Variants in WDR35 observed in about 807,000 individuals in gnomAD.
The protein encoded by WDR35 is WD repeat-containing protein 35.
A neutral mutation model predicts 158.3 loss-of-function variants in WDR35; 118 were observed. That is an observed-to-expected ratio of 0.75 (90% CI 0.64 to 0.87). The LOEUF (loss-of-function observed/expected upper bound fraction) is 0.87. Ranked by LOEUF, WDR35 falls within the 40% of genes least tolerant of loss-of-function variation. The pLI is 0.00. For synonymous variants in WDR35, 448 were observed against 476.1 expected, an observed-to-expected ratio of 0.94 and a Z score of 0.77; for missense variants, 1,263 against 1,405.8, an observed-to-expected ratio of 0.90 and a Z score of 1.62.
chr2:19,965,849 TCCCACCAGGTA>T (rs1035274612), intron 10 of WDR35, among the ~76,000 whole-genome samples: 6 of 152,196 alleles, frequency 3.9e-5, no homozygotes, highest in African/African-American at 1.2e-4. Flanking sequence ...TGTTTCTTTC[TCCCACCAGGTA>T]CCCCCAAGTC....
intron 2 of WDR35, 29 bp from the exon 3 acceptor site, chr2:19,982,563 A>G (rs371992626): frequency 6.2e-7 from 1 of 1,606,258 alleles, no homozygotes; most frequent in Admixed American, 1.7e-5. Flanking sequence ...AACTACTATG[A>G]TAAATATGTA....
intron 9 of WDR35, among the ~76,000 whole-genome samples, chr2:19,967,282 T>C (rs1245353732): frequency 6.6e-6 from 1 of 152,194 alleles, no homozygotes; most frequent in Non-Finnish European, 1.5e-5. Context: ...AATTCAAAAA[T>C]AGTCACTTTG....
intron 25 of WDR35, among the ~76,000 whole-genome samples, chr2:19,919,554 G>A (rs560325144): frequency 6.6e-5 from 10 of 152,152 alleles, no homozygotes; most frequent in Admixed American, 1.3e-4. Flanking sequence ...AAGACACAGT[G>A]CAGCAGAATT....
chr2:19,936,194 G>A, intron 20 of WDR35, 25 bp downstream of exon 20: 1 of 1,613,610 alleles, frequency 6.2e-7, no homozygotes, highest in Non-Finnish European at 8.5e-7. Flanking sequence ...ATGAATGCTT[G>A]AGGAGCTCCA....
At chr2:19,971,868 A>G (rs1672046162) in intron 8 of WDR35, among the ~76,000 whole-genome samples, 1 of 152,232 alleles carries the variant, frequency 6.6e-6, no homozygotes, top group African/African-American at 2.4e-5. Context: ...GGCACTGTGT[A>G]GGCATTTCCT....
At position 19,933,466 on chromosome 2, in the gene WDR35, C is replaced by T. The variant is rs1032877870; in HGVS notation, c.2593G>A (p.Val865Met). The T allele has an allele frequency of 1.7e-5, 27 of 1,613,812 alleles. No individual in the cohort carries two copies. Among genetic ancestry groups the T allele is most frequent in the Non-Finnish European group, 2.3e-5 (27 of 1,179,958 alleles). ...FVRVGMCEQA[V>M]TAFLKCSQPK... Reference sequence around the variant, plus strand: ...TGACTACATTTCAAAAATGCAGTCACTGCTTGTTCACACATTCCAACTCTG... The same window carrying T: ...TGACTACATTTCAAAAATGCAGTCATTGCTTGTTCACACATTCCAACTCTG... The change falls in exon 22 of 27, where the codon GTG becomes ATG. Residue 865 changes from valine to methionine, a missense_variant. By Grantham distance (21) the Val-to-Met change is conservative. Coordinates refer to ENST00000281405, the MANE Select transcript of WDR35 (RefSeq NM_020779.4).
chr2:19,949,000 CA>C (rs760817729), intron 13 of WDR35, among the ~76,000 whole-genome samples: 1 of 151,998 alleles, frequency 6.6e-6, no homozygotes, highest in Non-Finnish European at 1.5e-5. Context: ...CACCTATTAG[CA>C]CATGTAAAAA....
At position 19,989,228 on chromosome 2, in the gene WDR35, C is replaced by G; in HGVS notation, c.79G>C (p.Gly27Arg). ...TCTTCACCACCGCATGCTATGAACCCTTGTTCCTTGTTCCAGGATACACAC... is the reference window on the plus strand; with the variant it reads ...TCTTCACCACCGCATGCTATGAACCGTTGTTCCTTGTTCCAGGATACACAC... ...LQCVSWNKEQ[G>R]FIACGGEDGL... Residue 27 changes from glycine (G) to arginine (R), a missense_variant, in exon 2 of 27, where the codon GGG becomes CGG. Transcript: ENST00000281405. The G allele has an allele frequency of 6.2e-7, 1 of 1,614,230 alleles. No homozygotes were observed. Among genetic ancestry groups the G allele is most frequent in the Non-Finnish European group, 8.5e-7 (1 of 1,180,040 alleles).
intron 25 of WDR35, among the ~76,000 whole-genome samples, chr2:19,919,741 G>C (rs1670109481): frequency 6.6e-6 from 1 of 152,102 alleles, no homozygotes; most frequent in African/African-American, 2.4e-5. Context: ...GATCACAGCA[G>C]AACTGAAGGA....
At chr2:19,978,195 GACAC>G (rs3039208) in intron 5 of WDR35, among the ~76,000 whole-genome samples, 221 of 146,754 alleles carry the variant, frequency 1.5e-3, no homozygotes, top group African/African-American at 2.7e-3. Context: ...CACACACACA[GACAC>G]ACACACACAC....
intron 25 of WDR35, among the ~76,000 whole-genome samples, chr2:19,915,662 G>GA (rs1460667003): frequency 2.6e-5 from 4 of 151,016 alleles, no homozygotes; most frequent in Non-Finnish European, 1.5e-5. Context: ...TAACCAATTA[G>GA]AAAAAAAATT....
Position 19,989,974 on chromosome 2 carries a change from GC to G in WDR35, c.24+17del, listed in dbSNP as rs762015573. ...GCGGGAATGGCGGAGAAACGAGGACGCCCCCCAGGAAACTCACTTTCTTGCT... is the reference window on the plus strand; with the variant it reads ...GCGGGAATGGCGGAGAAACGAGGACGCCCCCAGGAAACTCACTTTCTTGCT... On this transcript the variant is annotated intron_variant, in intron 1 of 26. Coordinates refer to ENST00000281405, the MANE Select transcript of WDR35 (RefSeq NM_020779.4). 2 of 1,613,578 alleles carry G rather than the reference GC, an allele frequency of 1.2e-6. No individual in the cohort carries two copies. Among genetic ancestry groups the G allele is most frequent in the Non-Finnish European group, 1.7e-6 (2 of 1,179,754 alleles).
At chr2:19,984,936 T>G (rs902358917) in intron 2 of WDR35, among the ~76,000 whole-genome samples, 1 of 152,222 alleles carries the variant, frequency 6.6e-6, no homozygotes, top group African/African-American at 2.4e-5. Context: ...ATTCGCCAGA[T>G]TCTCTGGCAG....
chr2:19,986,218 T>C (rs1672561833), intron 2 of WDR35, among the ~76,000 whole-genome samples: 2 of 152,170 alleles, frequency 1.3e-5, no homozygotes, highest in Non-Finnish European at 2.9e-5. Flanking sequence ...TTTGGAAGAA[T>C]ATCAAGAGTT....
At chr2:19,989,498 A>G (rs981286544) in intron 1 of WDR35, among the ~76,000 whole-genome samples, 19 of 152,214 alleles carry the variant, frequency 1.2e-4, no homozygotes, top group African/African-American at 4.1e-4. Flanking sequence ...AGAGAAGGAT[A>G]GTGACTGCGG....
In WDR35 at chr2:19,911,999, T is replaced by G. The variant is rs1464440651; in HGVS notation, c.*1559A>C. On this transcript the variant is annotated 3_prime_UTR_variant, in exon 27 of 27. Transcript: ENST00000281405. Reference sequence around the variant, plus strand: ...TGGCCTCAGGCACATTTCATCTGATTGAGTCATCTGGCTCAAGCGGCCACT... The same window carrying G: ...TGGCCTCAGGCACATTTCATCTGATGGAGTCATCTGGCTCAAGCGGCCACT... 2 of 152,230 alleles carry G rather than the reference T, an allele frequency of 1.3e-5. No individual in the cohort carries two copies. Among genetic ancestry groups the G allele is most frequent in the Non-Finnish European group, 2.9e-5 (2 of 68,054 alleles). The allele number at this position is 152,230 out of a possible 1,614,324, so 9.4% of individuals were successfully genotyped here. A position where few individuals can be genotyped will look rare whatever the true frequency, so the allele number is the denominator to read the frequency against.
chr2:19,960,359 G>A (rs1671600766), intron 11 of WDR35, among the ~76,000 whole-genome samples, 195 bp downstream of exon 11: 1 of 152,056 alleles, frequency 6.6e-6, no homozygotes, highest in African/African-American at 2.4e-5. Context: ...GGATACTTTT[G>A]AGAGTAAAAT....
chr2:19,938,771 A>G lies in WDR35; in HGVS notation c.1927-370T>C, dbSNP rs1417324312. 2.6e-5 allele frequency among the ~76,000 whole-genome samples: 4 copies of G among 152,286 alleles called. No individual in the cohort carries two copies. The East Asian group carries it at 5.8e-4, about 22-fold the overall frequency. On this transcript the variant is annotated intron_variant, in intron 17 of 26. Coordinates refer to ENST00000281405, the MANE Select transcript of WDR35 (RefSeq NM_020779.4). ...CCTAGCTGTACTATTTACGGTATTC[A>G]ATATTCATCATCTCAGAACTGACCT...
intron 25 of WDR35, among the ~76,000 whole-genome samples, chr2:19,923,442 C>T (rs1670247061): frequency 6.6e-6 from 1 of 152,116 alleles, no homozygotes; most frequent in South Asian, 2.1e-4. Flanking sequence ...TTCGTTCCAC[C>T]TTGGAACTTT....
Sources: gnomAD v4.1 joint callset for allele counts (sites outside exome capture counted in the v4.1 genomes callset) on GRCh38, gnomAD v4.1.1 for gene constraint, MANE v1.5 for transcripts, NCBI Gene and HGNC (gene_info 2026-07-23, HGNC 2026-07-21) for gene names.